Variants in MKRN2OS observed in about 807,000 individuals in gnomAD.
MKRN2OS encodes the protein MKRN2 opposite strand protein.
Under a neutral mutation model 18.2 loss-of-function variants are expected in MKRN2OS, and 17 were observed. The observed-to-expected ratio is 0.93, with a 90% CI of 0.64 to 1.40. The LOEUF (loss-of-function observed/expected upper bound fraction) is 1.40. Ranked by LOEUF, MKRN2OS falls within the 40% of genes most tolerant of loss-of-function variation. The pLI, the probability that MKRN2OS is intolerant of heterozygous loss-of-function variation, is 0.00. For missense variants in MKRN2OS, 337 were observed against 283.0 expected, an observed-to-expected ratio of 1.19 and a Z score of -1.37; for synonymous variants, 121 against 108.5, an observed-to-expected ratio of 1.12 and a Z score of -0.72.
chr3:12,547,935 T>C (rs1180787421), upstream of MKRN2OS, among the ~76,000 whole-genome samples: 1 of 152,140 alleles, frequency 6.6e-6, no homozygotes, highest in Non-Finnish European at 1.5e-5. Context: ...AACCTTCTCT[T>C]GTTACAGTGA....
At chr3:12,556,747 A>T (rs1000129221) in intron 1 of MKRN2OS, among the ~76,000 whole-genome samples, 1 of 151,680 alleles carries the variant, frequency 6.6e-6, no homozygotes, top group Admixed American at 6.6e-5. Flanking sequence ...TTAAGAGGAG[A>T]GGCTGGAGTT....
chr3:12,557,263 G>C (rs966301005), intron 1 of MKRN2OS: 2 of 1,486,908 alleles, frequency 1.3e-6, no homozygotes, highest in African/African-American at 1.4e-5. Flanking sequence ...CCGGGAACCT[G>C]AGGCTAGAGC....
At chr3:12,557,038 G>GGCGTGCGCCC in intron 1 of MKRN2OS, 1 of 840,588 alleles carries the variant, frequency 1.2e-6, no homozygotes, top group Non-Finnish European at 1.5e-6. Context: ...GGCGTGCGCC[G>GGCGTGCGCCC]GCGTGCGCCG....
At position 12,545,387 on chromosome 3, in the gene MKRN2OS, G is replaced by A. The variant is rs1190772701; in HGVS notation, c.78C>T (p.Pro26=). The part of the protein sequence containing the change: ...CEKYIYSFSV[P]QCCPLCQQDL... ...CCTGCTGGCAGAGAGGGCAGCACTG[G>A]GGCACACTGAAGCTGTAGATGTATT... Residue 26 remains proline, a synonymous_variant, in exon 1 of 4, where the codon CCC becomes CCT. Coordinates refer to ENST00000564146, the MANE Select transcript of MKRN2OS (RefSeq NM_001195279.2). The A allele has an allele frequency of 6.5e-7, 1 of 1,535,950 alleles. No individual in the cohort carries two copies. The highest frequency in any genetic ancestry group is 2.0e-5 in the Admixed American group (1 of 50,990).
downstream of MKRN2OS, among the ~76,000 whole-genome samples, chr3:12,551,930 A>C (rs2057932256): frequency 6.6e-6 from 1 of 152,046 alleles, no homozygotes; most frequent in African/African-American, 2.4e-5. Context: ...AGACAGAGTG[A>C]GACTCTGTCT....
rs1454488701 is a variant in MKRN2OS, at chr3:12,541,963, T to C, written c.328A>G (p.Ser110Gly). ...VQRDGEGWEE[S>G]ISIPLLQPNM... ...GGCTGCAGTAATGGGATGCTTATGC[T>C]CTCTTCCCACCCTTCTCCGTCTCGC... Residue 110 changes from serine (S) to glycine (G), a missense_variant, in exon 3 of 4, where the codon AGC becomes GGC. Coordinates refer to ENST00000564146, the MANE Select transcript of MKRN2OS (RefSeq NM_001195279.2). 9.1e-6 allele frequency: 14 copies of C among 1,535,954 alleles called. No individual in the cohort carries two copies. Among genetic ancestry groups the C allele is most frequent in the African/African-American group, 1.4e-5 (1 of 73,038 alleles).
At chr3:12,541,835 G>A (rs1052927583) in intron 3 of MKRN2OS, 25 bp downstream of exon 3, 25 of 1,530,536 alleles carry the variant, frequency 1.6e-5, no homozygotes, top group Non-Finnish European at 6.1e-6. Context: ...GTGTCAGCGA[G>A]GGGGCAGCAT....
At chr3:12,552,557 A>G (rs1463091119), downstream of MKRN2OS, among the ~76,000 whole-genome samples, 1 of 151,160 alleles carries the variant, frequency 6.6e-6, no homozygotes, top group African/African-American at 2.4e-5. Flanking sequence ...GATTACAGGC[A>G]TGCACCACCA....
upstream of MKRN2OS, among the ~76,000 whole-genome samples, chr3:12,548,315 G>C (rs1005282731): frequency 5.9e-5 from 9 of 152,154 alleles, no homozygotes; most frequent in Non-Finnish European, 1.3e-4. Context: ...GGGCACGGTG[G>C]CGGGTGTCTG....
intron 1 of MKRN2OS, among the ~76,000 whole-genome samples, chr3:12,543,481 G>C (rs987745193): frequency 2.0e-5 from 3 of 152,060 alleles, no homozygotes; most frequent in Admixed American, 1.3e-4. Context: ...CAGCTACTCG[G>C]GAGGTTGAGG....
chr3:12,548,187 G>C (rs978476983), upstream of MKRN2OS, among the ~76,000 whole-genome samples: 1 of 152,130 alleles, frequency 6.6e-6, no homozygotes, highest in Non-Finnish European at 1.5e-5. Context: ...GGTGGCTCAC[G>C]CCTGTAACCC....
Position 12,540,279 on chromosome 3 carries a change from A to G in MKRN2OS, c.586T>C (p.Tyr196His). Residue 196 changes from tyrosine (Y) to histidine (H), a missense_variant, in exon 4 of 4, where the codon TAC becomes CAC. Tyr to His is a moderately conservative substitution (Grantham distance 83). Coordinates refer to ENST00000564146, the MANE Select transcript of MKRN2OS (RefSeq NM_001195279.2). ...TRLASKFITL[Y>H]RAIREHGFYV... is the part of the protein sequence containing the mutation. ...AAGCCATGCTCCCGTATCGCCCGGT[A>G]GAGTGTGATGAACTTGGATGCCAGC... is the stretch of plus-strand genomic sequence containing the variant. The G allele has an allele frequency of 6.5e-7, 1 of 1,536,100 alleles. No homozygotes were observed. Among genetic ancestry groups the G allele is most frequent in the Non-Finnish European group, 8.7e-7 (1 of 1,146,908 alleles).
chr3:12,548,156 A>G (rs1436287082), upstream of MKRN2OS, among the ~76,000 whole-genome samples: 2 of 151,154 alleles, frequency 1.3e-5, no homozygotes, highest in African/African-American at 4.9e-5. Context: ...CTAAAATTAC[A>G]ATAATTAGCC....
At position 12,540,186 on chromosome 3, in the gene MKRN2OS, A is replaced by G. The variant is rs1339610379; in HGVS notation, c.*7T>C. ...CCTCCAGCGTCCAGGCTGCGCTTAC[A>G]TAGCTCTCAGCACAAACCGCCGCCC... is the stretch of plus-strand genomic sequence containing the variant. On this transcript the variant is annotated 3_prime_UTR_variant, in exon 4 of 4. Coordinates refer to ENST00000564146, the MANE Select transcript of MKRN2OS (RefSeq NM_001195279.2). 1.3e-6 allele frequency: 2 copies of G among 1,536,004 alleles called. No homozygotes were observed. The highest frequency in any genetic ancestry group is 1.7e-6 in the Non-Finnish European group (2 of 1,146,916).
At chr3:12,543,111 A>C (rs2057837985) in intron 2 of MKRN2OS, 69 bp downstream of exon 2, 7 of 1,311,020 alleles carry the variant, frequency 5.3e-6, no homozygotes, top group South Asian at 1.3e-5. Flanking sequence ...GCCATAATCA[A>C]ATCTCCACAA....
chr3:12,543,751 G>T (rs183215645), intron 1 of MKRN2OS, among the ~76,000 whole-genome samples: 20 of 151,900 alleles, frequency 1.3e-4, no homozygotes, highest in Non-Finnish European at 2.8e-4. Context: ...AATTAGCTGG[G>T]CATGGTGGAG....
At chr3:12,552,558 T>A (rs557477314), downstream of MKRN2OS, among the ~76,000 whole-genome samples, 43 of 151,310 alleles carry the variant, frequency 2.8e-4, no homozygotes, top group African/African-American at 9.4e-4. Context: ...ATTACAGGCA[T>A]GCACCACCAC....
chr3:12,549,573 G>T (rs1001214351), upstream of MKRN2OS, among the ~76,000 whole-genome samples: 7 of 151,882 alleles, frequency 4.6e-5, no homozygotes, highest in Non-Finnish European at 1.0e-4. Context: ...TTTGAGACAG[G>T]GTCTTGCTCT....
chr3:12,547,186 A>G (rs530663016), upstream of MKRN2OS, among the ~76,000 whole-genome samples: 3 of 152,346 alleles, frequency 2.0e-5, no homozygotes, highest in African/African-American at 4.8e-5. Context: ...TGTTTCTCAC[A>G]TAACATTTCC....
Sources: gnomAD v4.1 joint callset for allele counts (sites outside exome capture counted in the v4.1 genomes callset) on GRCh38, gnomAD v4.1.1 for gene constraint, MANE v1.5 for transcripts, NCBI Gene and HGNC (gene_info 2026-07-23, HGNC 2026-07-21) for gene names.